Variants in DMD observed in about 807,000 individuals in gnomAD.
DMD encodes the protein mutant dystrophin.
A neutral mutation model predicts 330.1 loss-of-function variants in DMD; 63 were observed. The observed-to-expected ratio is 0.19, with a 90% confidence interval of 0.16 to 0.24. The LOEUF (loss-of-function observed/expected upper bound fraction) is 0.24, where lower values mean the gene tolerates loss of function less well. Ranked by LOEUF, DMD falls within the 10% of genes least tolerant of loss-of-function variation. DMD has a pLI of 1.00. For synonymous variants in DMD, 1,223 were observed against 959.8 expected (o/e 1.27, Z -5.07); for missense variants, 3,344 against 2,684.1 (o/e 1.25, Z -5.43).
chrX:32,578,748 A>C (rs986565367), intron 13 of DMD, among the ~76,000 whole-genome samples: 2 of 111,701 alleles, frequency 1.8e-5, no homozygotes, highest in Non-Finnish European at 3.8e-5. Flanking sequence ...TATTGGCGTT[A>C]AGAGATAGAG....
chrX:33,229,034 G>A (rs755963372), intron 1 of DMD, among the ~76,000 whole-genome samples: 2 of 109,935 alleles, frequency 1.8e-5, no homozygotes, highest in Non-Finnish European at 3.8e-5. Context: ...ATGTCTCTTC[G>A]TGCCTTTGGC....
At chrX:31,932,937 A>G (rs2094877396) in intron 45 of DMD, among the ~76,000 whole-genome samples, 1 of 111,621 alleles carries the variant, frequency 9.0e-6, no homozygotes, top group Non-Finnish European at 1.9e-5. Context: ...ATTTAGCAGT[A>G]TCCCTGGCCT....
chrX:32,383,103 C>T (rs924459585), intron 33 of DMD, among the ~76,000 whole-genome samples: 14 of 110,420 alleles, frequency 1.3e-4, no homozygotes, highest in African/African-American at 4.3e-4. Flanking sequence ...TCAATGGTGC[C>T]AGCTTTAATA....
chrX:32,969,088 T>C (rs1216944148), intron 2 of DMD, among the ~76,000 whole-genome samples: 3 of 96,913 alleles, frequency 3.1e-5, no homozygotes, highest in African/African-American at 7.4e-5. Flanking sequence ...CCCTCCACCA[T>C]GTGAGGAATC....
intron 7 of DMD, among the ~76,000 whole-genome samples, chrX:32,805,411 A>C (rs2076879880): frequency 8.9e-6 from 1 of 111,913 alleles, no homozygotes. Context: ...ACAAGATTAG[A>C]GAAAAAAGAA....
At chrX:32,900,542 G>A (rs73466803) in intron 2 of DMD, among the ~76,000 whole-genome samples, 1 of 110,955 alleles carries the variant, frequency 9.0e-6, no homozygotes, top group Non-Finnish European at 1.9e-5. Flanking sequence ...TTAATGTCTT[G>A]ATATGTTGGT....
intron 37 of DMD, among the ~76,000 whole-genome samples, chrX:32,349,954 C>T (rs1007425011): frequency 1.8e-5 from 2 of 110,833 alleles, no homozygotes; most frequent in African/African-American, 3.3e-5. Flanking sequence ...GTTTAGATGA[C>T]GGTAAAAGTA....
At chrX:31,675,770 T>C (rs1364102512) in intron 53 of DMD, among the ~76,000 whole-genome samples, 1 of 112,091 alleles carries the variant, frequency 8.9e-6, no homozygotes, top group Non-Finnish European at 1.9e-5. Flanking sequence ...AAAATAATTA[T>C]TAAAAGATGT....
At chrX:31,387,620 G>C (rs1414598252) in intron 60 of DMD, among the ~76,000 whole-genome samples, 1 of 111,609 alleles carries the variant, frequency 9.0e-6, no homozygotes, top group Admixed American at 9.5e-5. Context: ...GGCTGGTCTT[G>C]AACTCCTGAC....
In DMD at chrX:33,268,760, C is replaced by G. The variant is rs529648552; in HGVS notation, c.7+70499G>C. Among the ~76,000 whole-genome samples, 5 of 110,301 alleles carry G rather than the reference C, an allele frequency of 4.5e-5. No individual in the cohort carries two copies. In the South Asian group the frequency reaches 1.6e-3, roughly 35 times the overall value. ...TGGCCAAAATGGTGAAACCCCGACT[C>G]TAGTAAAAATACAAAAATTAGCTGG... is the stretch of plus-strand genomic sequence containing the variant. On this transcript the variant is annotated intron_variant, in intron 1 of 17. Coordinates refer to the DMD transcript ENST00000288447.
intron 13 of DMD, among the ~76,000 whole-genome samples, chrX:32,590,554 A>T (rs1271532857): frequency 9.0e-6 from 1 of 111,461 alleles, no homozygotes; most frequent in African/African-American, 3.3e-5. Flanking sequence ...GACTAGAACA[A>T]AGCCAGGAGA....
intron 60 of DMD, among the ~76,000 whole-genome samples, chrX:31,388,739 TA>T (rs2060567638): frequency 9.0e-6 from 1 of 110,940 alleles, no homozygotes; most frequent in Non-Finnish European, 1.9e-5. Context: ...CCGTCTCTAC[TA>T]AAAATACAAA....
intron 19 of DMD, among the ~76,000 whole-genome samples, chrX:32,498,190 T>A (rs896514120): frequency 2.7e-5 from 3 of 111,255 alleles, no homozygotes; most frequent in Admixed American, 9.6e-5. Flanking sequence ...AAAGCTTACA[T>A]ATTGACGGTA....
intron 2 of DMD, among the ~76,000 whole-genome samples, chrX:32,853,768 A>AG (rs2081318213): frequency 2.9e-5 from 2 of 69,810 alleles, no homozygotes; most frequent in African/African-American, 1.1e-4. Context: ...ACACAGTGAC[A>AG]GAAAAAAAAA....
chrX:32,524,863 C>G (rs888589772), intron 17 of DMD, among the ~76,000 whole-genome samples: 2 of 112,106 alleles, frequency 1.8e-5, no homozygotes, highest in Non-Finnish European at 3.8e-5. Context: ...TGATTACGCT[C>G]GTTTTTTGAT....
At chrX:32,992,715 T>G (rs2093008190) in intron 2 of DMD, among the ~76,000 whole-genome samples, 2 of 110,259 alleles carry the variant, frequency 1.8e-5, no homozygotes, top group South Asian at 7.9e-4. Context: ...AAGACCAGCC[T>G]GGTCAACATG....
chrX:32,324,871 G>C (rs1329138192), intron 41 of DMD, among the ~76,000 whole-genome samples: 1 of 111,646 alleles, frequency 9.0e-6, no homozygotes, highest in African/African-American at 3.3e-5. Flanking sequence ...AAATTACATA[G>C]AGAGGAAACT....
intron 74 of DMD, among the ~76,000 whole-genome samples, chrX:31,152,020 CAA>C (rs2037475257): frequency 8.9e-6 from 1 of 112,098 alleles, no homozygotes; most frequent in Non-Finnish European, 1.9e-5. Flanking sequence ...TCTGACAGGA[CAA>C]AGTCTAGAAT....
intron 42 of DMD, among the ~76,000 whole-genome samples, chrX:32,307,148 A>T (rs2097543384): frequency 9.0e-6 from 1 of 111,282 alleles, no homozygotes; most frequent in Middle Eastern, 4.6e-3. Context: ...GCAGATTCGA[A>T]GACAAGGGAT....
Sources: gnomAD v4.1 joint callset for allele counts (sites outside exome capture counted in the v4.1 genomes callset) on GRCh38, gnomAD v4.1.1 for gene constraint, MANE v1.5 for transcripts, NCBI Gene and HGNC (gene_info 2026-07-23, HGNC 2026-07-21) for gene names.